Variants in CDH8 observed in about 807,000 individuals in gnomAD.
The protein encoded by CDH8 is cadherin-8.
In CDH8, 17 loss-of-function variants were observed where a neutral mutation model predicts 68.1. That is an observed-to-expected ratio of 0.25 (90% confidence interval 0.17 to 0.37). The LOEUF is 0.37. Among genes scored for constraint, CDH8 ranks in the 10% least tolerant of loss-of-function variants. The probability of loss-of-function intolerance (pLI) is 1.00; values close to 1 mark genes in which losing one functional copy is unlikely to be tolerated. For synonymous variants in CDH8, 372 were observed against 365.1 expected (o/e 1.02, Z -0.21); for missense variants, 763 against 999.3 (o/e 0.76, Z 3.19).
intron 10 of CDH8, among the ~76,000 whole-genome samples, chr16:61,698,338 A>C (rs1964364836): frequency 6.6e-6 from 1 of 152,152 alleles, no homozygotes; most frequent in South Asian, 2.1e-4. Flanking sequence ...CACAGACAGA[A>C]CCCAATCTGT....
At chr16:61,852,881 C>T (rs1308674408) in intron 4 of CDH8, among the ~76,000 whole-genome samples, 4 of 134,668 alleles carry the variant, frequency 3.0e-5, no homozygotes, top group Non-Finnish European at 6.1e-5. Context: ...TTCCTTCCTT[C>T]CTTCCTTCCT....
At chr16:61,674,318 G>A (rs1328087818) in intron 10 of CDH8, among the ~76,000 whole-genome samples, 3 of 151,978 alleles carry the variant, frequency 2.0e-5, no homozygotes, top group Admixed American at 1.3e-4. Context: ...TTTGGGCGTG[G>A]TGGTGAGTGC....
At chr16:61,800,168 T>A (rs1034360332) in intron 7 of CDH8, among the ~76,000 whole-genome samples, 1 of 152,208 alleles carries the variant, frequency 6.6e-6, no homozygotes, top group Admixed American at 6.5e-5. Flanking sequence ...TATATTCAAA[T>A]GATGTGCTTA....
At chr16:62,007,535 T>A (rs1023891402) in intron 2 of CDH8, among the ~76,000 whole-genome samples, 2 of 152,190 alleles carry the variant, frequency 1.3e-5, no homozygotes, top group Non-Finnish European at 2.9e-5. Flanking sequence ...CCAAGTCCTG[T>A]CAGCCTCAGC....
chr16:62,006,988 A>C (rs1018664298), intron 2 of CDH8, among the ~76,000 whole-genome samples: 2 of 151,658 alleles, frequency 1.3e-5, no homozygotes, highest in African/African-American at 4.8e-5. Context: ...GCTCACCGCA[A>C]CCTCCACCTC....
At chr16:61,959,785 G>A (rs1457828008) in intron 2 of CDH8, among the ~76,000 whole-genome samples, 1 of 145,846 alleles carries the variant, frequency 6.9e-6, no homozygotes, top group Non-Finnish European at 1.5e-5. Context: ...AGACAGGGAG[G>A]ATATGGTCAT....
At chr16:61,751,303 T>C (rs142394845) in intron 8 of CDH8, among the ~76,000 whole-genome samples, 59 of 137,840 alleles carry the variant, frequency 4.3e-4, no homozygotes, top group African/African-American at 8.4e-4. Flanking sequence ...TGGAATTACA[T>C]ACTACCAGAG....
intron 2 of CDH8, among the ~76,000 whole-genome samples, chr16:62,004,101 T>G (rs1294608515): frequency 6.6e-6 from 1 of 152,208 alleles, no homozygotes; most frequent in Non-Finnish European, 1.5e-5. Flanking sequence ...TCTCGCTAAT[T>G]GCAATTTTTA....
chr16:61,896,631 C>A (rs1963872725), intron 3 of CDH8, among the ~76,000 whole-genome samples: 1 of 152,152 alleles, frequency 6.6e-6, no homozygotes, highest in Non-Finnish European at 1.5e-5. Context: ...GGGAATAATT[C>A]ACACTTCGCA....
At chr16:61,875,593 C>A (rs1007192437) in intron 3 of CDH8, among the ~76,000 whole-genome samples, 8 of 152,132 alleles carry the variant, frequency 5.3e-5, no homozygotes, top group Non-Finnish European at 1.0e-4. Flanking sequence ...AACTTTACAA[C>A]CTTCTGAGTG....
chr16:61,730,445 G>A (rs941361418), intron 8 of CDH8, among the ~76,000 whole-genome samples: 17 of 151,332 alleles, frequency 1.1e-4, no homozygotes, highest in African/African-American at 2.2e-4. Flanking sequence ...CTCTGCAAGC[G>A]ACTAATGTTT....
At chr16:62,024,865 C>G (rs189564617) in intron 1 of CDH8, among the ~76,000 whole-genome samples, 8 of 152,284 alleles carry the variant, frequency 5.3e-5, no homozygotes, top group Admixed American at 5.2e-4. Flanking sequence ...TCTTTTTGAA[C>G]AAGACCGTTC....
intron 2 of CDH8, among the ~76,000 whole-genome samples, chr16:62,005,595 G>T (rs1965961375): frequency 6.6e-6 from 1 of 152,052 alleles, no homozygotes; most frequent in South Asian, 2.1e-4. Context: ...AATTAGCTGG[G>T]CGTGGAGGTG....
chr16:62,007,359 T>C (rs1965994076), intron 2 of CDH8, among the ~76,000 whole-genome samples: 1 of 152,216 alleles, frequency 6.6e-6, no homozygotes, highest in African/African-American at 2.4e-5. Flanking sequence ...AATTATTAAA[T>C]TATTATGTTT....
intron 2 of CDH8, among the ~76,000 whole-genome samples, chr16:61,912,393 A>G (rs898532474): frequency 1.3e-5 from 2 of 152,108 alleles, no homozygotes; most frequent in Non-Finnish European, 2.9e-5. Flanking sequence ...GCTTTGGAAG[A>G]ATGCAGAAGC....
At position 61,869,399 on chromosome 16, in the gene CDH8, G is replaced by T. The variant is rs114123200; in HGVS notation, c.548-12161C>A. Reference sequence around the variant, plus strand: ...GCTACTAGGGAAAGGTGGAGGGCAGGTTGGAGGTATGTAAAGGAAATCTTC... The same window carrying T: ...GCTACTAGGGAAAGGTGGAGGGCAGTTTGGAGGTATGTAAAGGAAATCTTC... On this transcript the variant is annotated intron_variant, in intron 3 of 11. Transcript: ENST00000577390. 1.5e-3 allele frequency among the ~76,000 whole-genome samples: 229 copies of T among 152,264 alleles called. 1 individual carries two copies. Among genetic ancestry groups the T allele is most frequent in the African/African-American group, 5.3e-3 (222 of 41,572 alleles).
chr16:61,667,226 C>A (rs920776224), intron 10 of CDH8: 1 of 151,642 alleles, frequency 6.6e-6, no homozygotes, highest in African/African-American at 2.4e-5. Flanking sequence ...GGAGTGTTGA[C>A]TCATTACCAA....
At chr16:61,919,557 G>T (rs1964321848) in intron 2 of CDH8, among the ~76,000 whole-genome samples, 1 of 149,520 alleles carries the variant, frequency 6.7e-6, no homozygotes. Context: ...CTGGAAGAAA[G>T]GGTATCAGCA....
intron 8 of CDH8, among the ~76,000 whole-genome samples, chr16:61,729,865 C>A (rs1959485080): frequency 1.3e-5 from 2 of 151,334 alleles, no homozygotes; most frequent in Admixed American, 1.3e-4. Context: ...TTATTTTGCT[C>A]CTTCTGAAGT....
Sources: allele counts gnomAD v4.1 joint callset (sites outside exome capture counted in the v4.1 genomes callset), GRCh38; gene constraint gnomAD v4.1.1; transcripts MANE v1.5; gene names NCBI Gene and HGNC (gene_info 2026-07-23, HGNC 2026-07-21).